The following ARPP21 variants were observed in gnomAD, a reference collection of about 807,000 sequenced individuals.
ARPP21 encodes cAMP regulated phosphoprotein 21.
A neutral mutation model predicts 113.2 loss-of-function variants in ARPP21; 69 were observed. The observed-to-expected ratio is 0.61, with a 90% confidence interval of 0.50 to 0.74. ARPP21 has a LOEUF of 0.74. Among genes scored for constraint, ARPP21 ranks in the 30% least tolerant of loss-of-function variants. ARPP21 has a pLI of 0.00. For missense variants in ARPP21, 1,070 were observed against 1,037.4 expected (o/e 1.03, Z -0.43); for synonymous variants, 368 against 375.5 (o/e 0.98, Z 0.23).
intron 15 of ARPP21, among the ~76,000 whole-genome samples, chr3:35,733,890 C>T (rs1011212043): frequency 4.6e-5 from 7 of 152,118 alleles, no homozygotes; most frequent in Admixed American, 4.6e-4. Context: ...TCTTCTAGCC[C>T]ACAGCATATT....
At position 35,788,732 on chromosome 3, in the gene ARPP21, C is replaced by T. The variant is rs142128531; in HGVS notation, c.2138-3650C>T. 4.2e-3 allele frequency among the ~76,000 whole-genome samples: 637 copies of T among 152,272 alleles called. 3 individuals carry two copies. Among genetic ancestry groups the T allele is most frequent in the Middle Eastern group, 6.8e-3 (2 of 294 alleles). On this transcript the variant is annotated intron_variant, in intron 19 of 20. Coordinates refer to ENST00000684406, the MANE Select transcript of ARPP21 (RefSeq NM_001385562.1). Reference sequence around the variant, plus strand: ...CAATCTACAATCCCTAATCAATTTACATTCTAATTGTTCATAATTGTGCTA... The same window carrying T: ...CAATCTACAATCCCTAATCAATTTATATTCTAATTGTTCATAATTGTGCTA...
chr3:35,760,903 A>G (rs2095750130), intron 19 of ARPP21, among the ~76,000 whole-genome samples: 1 of 152,058 alleles, frequency 6.6e-6, no homozygotes, highest in Admixed American at 6.6e-5. Context: ...AGGGCTGGGC[A>G]CCACCTTCCC....
chr3:35,642,946 TA>T (rs1484414499), intron 1 of ARPP21, among the ~76,000 whole-genome samples: 1 of 152,094 alleles, frequency 6.6e-6, no homozygotes, highest in East Asian at 1.9e-4. Flanking sequence ...CTAAATATTT[TA>T]AAAATATAAG....
At chr3:35,643,855 A>G (rs891273830) in intron 1 of ARPP21, 5 of 152,080 alleles carry the variant, frequency 3.3e-5, no homozygotes, top group Admixed American at 2.6e-4. Flanking sequence ...CTGGTATCAC[A>G]TGGTAGTAGC....
At chr3:35,716,516 C>T (rs1205574555) in intron 12 of ARPP21, among the ~76,000 whole-genome samples, 2 of 151,922 alleles carry the variant, frequency 1.3e-5, no homozygotes, top group African/African-American at 4.8e-5. Flanking sequence ...AATTGAGAAA[C>T]ACATAAAAGG....
Position 35,750,240 on chromosome 3 carries a change from G to A in ARPP21, c.2137+6275G>A, listed in dbSNP as rs141863369. ...TCCCTTTCAGTCTTGCTTTAGCTGT[G>A]TCCCACAGATTTTGATATGCTGTAT... On this transcript the variant is annotated intron_variant, in intron 19 of 20. Coordinates refer to ENST00000684406, the MANE Select transcript of ARPP21 (RefSeq NM_001385562.1). 1.4e-4 allele frequency among the ~76,000 whole-genome samples: 21 copies of A among 148,602 alleles called. No homozygotes were observed. In the East Asian group the frequency reaches 4.0e-3, roughly 28 times the overall value.
chr3:35,675,428 A>T (rs1559570707), intron 1 of ARPP21, among the ~76,000 whole-genome samples: 1 of 151,744 alleles, frequency 6.6e-6, no homozygotes, highest in Admixed American at 6.6e-5. Flanking sequence ...GATTTTGGTC[A>T]AAAAAACCCT....
chr3:35,670,455 C>T lies in ARPP21; in HGVS notation c.-212-9332C>T, dbSNP rs144358613. ...TATGAGGAGGTTGACATCATCGGGT[C>T]ATATCAGGCTTTTTAGGTAGAGCAT... On this transcript the variant is annotated intron_variant, in intron 1 of 20. Coordinates refer to ENST00000684406, the MANE Select transcript of ARPP21 (RefSeq NM_001385562.1). Among the ~76,000 whole-genome samples the T allele has an allele frequency of 3.1e-4, 47 of 152,176 alleles. No individual in the cohort carries two copies. The East Asian group carries it at 8.7e-3, about 28-fold the overall frequency.
Position 35,700,297 on chromosome 3 carries a change from G to A in ARPP21, c.687-6677G>A, listed in dbSNP as rs373227012. Among the ~76,000 whole-genome samples the A allele has an allele frequency of 7.4e-4, 112 of 151,844 alleles. 1 individual carries two copies. In the South Asian group the frequency reaches 0.022, roughly 30 times the overall value. The stretch of plus-strand genomic sequence containing the variant: ...ATTGTTTTTAGGCTTGCTTCTCAGT[G>A]TTATGTCTGTATGCTTTAAACTATT... On this transcript the variant is annotated intron_variant, in intron 9 of 20. Transcript: ENST00000684406.
At chr3:35,652,758 T>G (rs376544570) in intron 1 of ARPP21, among the ~76,000 whole-genome samples, 1 of 152,058 alleles carries the variant, frequency 6.6e-6, no homozygotes. Flanking sequence ...AGGAGTGTGA[T>G]GTTTTTCTGA....
At chr3:35,724,100 T>A (rs901834488) in intron 14 of ARPP21, among the ~76,000 whole-genome samples, 3 of 152,192 alleles carry the variant, frequency 2.0e-5, no homozygotes, top group African/African-American at 7.2e-5. Context: ...ATTACATAGA[T>A]TCTAGCTTTA....
chr3:35,674,263 T>C (rs1368357305), intron 1 of ARPP21, among the ~76,000 whole-genome samples: 4 of 151,926 alleles, frequency 2.6e-5, no homozygotes, highest in African/African-American at 7.2e-5. Flanking sequence ...GAGAGAAATA[T>C]ATAGGATAAG....
At chr3:35,674,096 A>G (rs899148573) in intron 1 of ARPP21, among the ~76,000 whole-genome samples, 12 of 151,966 alleles carry the variant, frequency 7.9e-5, no homozygotes, top group Non-Finnish European at 1.5e-4. Flanking sequence ...TAAATATTTT[A>G]TTGAATTGAA....
At chr3:35,697,158 T>C (rs747885105) in intron 9 of ARPP21, among the ~76,000 whole-genome samples, 7 of 151,646 alleles carry the variant, frequency 4.6e-5, no homozygotes, top group Non-Finnish European at 8.9e-5. Flanking sequence ...TAAAAGATTG[T>C]CATCTTTTGA....
intron 15 of ARPP21, 142 bp from the exon 16 acceptor site, chr3:35,737,036 T>C (rs2094398795): frequency 5.2e-6 from 3 of 571,534 alleles, no homozygotes. Context: ...GGTCTTCACA[T>C]TGGTGAAGGT....
At chr3:35,687,620 G>GA (rs904618039) in intron 5 of ARPP21, 119 bp from the exon 6 acceptor site, 8,260 of 808,364 alleles carry the variant, frequency 0.01, no homozygotes, top group Non-Finnish European at 0.012. Context: ...TTACCATTTA[G>GA]AAAAAAAAAA....
At chr3:35,775,936 G>A (rs2096351499) in intron 19 of ARPP21, among the ~76,000 whole-genome samples, 1 of 152,046 alleles carries the variant, frequency 6.6e-6, no homozygotes, top group Non-Finnish European at 1.5e-5. Flanking sequence ...CTTTTTAAAT[G>A]CATAAAGTGT....
intron 5 of ARPP21, among the ~76,000 whole-genome samples, chr3:35,686,978 C>A (rs996082313): frequency 6.6e-6 from 1 of 151,256 alleles, no homozygotes; most frequent in African/African-American, 2.4e-5. Context: ...AATCAAACAT[C>A]ATTTCAAGAC....
chr3:35,776,405 A>G (rs80326098), intron 19 of ARPP21, among the ~76,000 whole-genome samples: 9,092 of 152,188 alleles, frequency 0.06, 866 homozygotes, highest in African/African-American at 0.2. Context: ...CAAGCCCTTC[A>G]TGACAGCAGC....
Sources: gnomAD v4.1 joint callset for allele counts (sites outside exome capture counted in the v4.1 genomes callset) on GRCh38, gnomAD v4.1.1 for gene constraint, MANE v1.5 for transcripts, NCBI Gene and HGNC (gene_info 2026-07-23, HGNC 2026-07-21) for gene names.